Variants in SPATA16 observed in about 807,000 individuals in gnomAD.
SPATA16 encodes the protein spermatogenesis-associated protein 16.
Under a neutral mutation model 63.3 loss-of-function variants are expected in SPATA16, and 36 were observed. The ratio of observed to expected loss-of-function variants is 0.57; its 90% CI spans 0.44 to 0.75. The LOEUF is 0.75. Ranked by LOEUF, SPATA16 falls within the 30% of genes least tolerant of loss-of-function variation. SPATA16 has a pLI of 0.00. For missense variants in SPATA16, 646 were observed against 679.3 expected (o/e 0.95, Z 0.54); for synonymous variants, 203 against 216.7 (o/e 0.94, Z 0.56).
Position 173,117,668 on chromosome 3 carries a change from C to G in SPATA16, c.64G>C (p.Val22Leu). 6.2e-7 allele frequency: 1 copy of G among 1,614,116 alleles called. No individual in the cohort carries two copies. The highest frequency in any genetic ancestry group is 8.5e-7 in the Non-Finnish European group (1 of 1,180,004). The change falls in exon 2 of 11, where the codon GTT becomes CTT. Residue 22 changes from valine (V) to leucine (L), a missense_variant. Val to Leu is a conservative substitution (Grantham distance 32). Transcript: ENST00000351008. ...TTCTTGCTTGTGTTTATCTTTGGAA[C>G]AAGCTGATCATGATAGATCCTATTC... is the stretch of plus-strand genomic sequence containing the variant. Reference protein sequence around the residue: ...AVNRIYHDQLVPKINTSKKMS... With the variant: ...AVNRIYHDQLLPKINTSKKMS...
At chr3:173,097,260 C>G (rs1651494984) in intron 2 of SPATA16, among the ~76,000 whole-genome samples, 1 of 151,994 alleles carries the variant, frequency 6.6e-6, no homozygotes, top group Admixed American at 6.6e-5. Context: ...TTTAAGTAAC[C>G]CTTATTTTAC....
chr3:173,104,362 G>A (rs1164352591), intron 2 of SPATA16, among the ~76,000 whole-genome samples: 1 of 152,100 alleles, frequency 6.6e-6, no homozygotes, highest in African/African-American at 2.4e-5. Flanking sequence ...TTCTGTGTTA[G>A]GCCATTCTTG....
intron 10 of SPATA16, among the ~76,000 whole-genome samples, chr3:172,903,304 G>C (rs1462187150): frequency 6.6e-6 from 1 of 152,204 alleles, no homozygotes; most frequent in Admixed American, 6.5e-5. Context: ...CTGAAATTTG[G>C]AAAGATGCAT....
At chr3:172,936,036 C>T (rs1219023533) in intron 6 of SPATA16, among the ~76,000 whole-genome samples, 2 of 152,140 alleles carry the variant, frequency 1.3e-5, no homozygotes, top group Non-Finnish European at 2.9e-5. Context: ...CACAAAGATA[C>T]AATTTTCAAT....
At chr3:173,059,286 T>C (rs1736319271) in intron 2 of SPATA16, among the ~76,000 whole-genome samples, 1 of 151,722 alleles carries the variant, frequency 6.6e-6, no homozygotes, top group Admixed American at 6.6e-5. Context: ...TTTTTTTTTC[T>C]TTCCTCTTTT....
At chr3:172,930,450 C>CT (rs1226515166) in intron 6 of SPATA16, among the ~76,000 whole-genome samples, 1 of 152,064 alleles carries the variant, frequency 6.6e-6, no homozygotes, top group African/African-American at 2.4e-5. Flanking sequence ...CCCATTTTTC[C>CT]TTTATTCAGT....
intron 2 of SPATA16, 126 bp from the exon 3 acceptor site, chr3:173,049,220 A>G (rs1736024980): frequency 3.0e-6 from 3 of 1,005,172 alleles, no homozygotes; most frequent in African/African-American, 3.3e-5. Context: ...TGTTTTGCGT[A>G]TATGTTAAAA....
chr3:172,935,958 A>G (rs1292603157), intron 6 of SPATA16, among the ~76,000 whole-genome samples: 2 of 152,254 alleles, frequency 1.3e-5, no homozygotes, highest in Non-Finnish European at 2.9e-5. Context: ...CCTAGACTGC[A>G]CAGGATTCTC....
At chr3:173,069,000 C>T (rs1026642850) in intron 2 of SPATA16, among the ~76,000 whole-genome samples, 10 of 150,942 alleles carry the variant, frequency 6.6e-5, no homozygotes, top group African/African-American at 2.4e-4. Context: ...GTCCCAGCTA[C>T]TCGGGAGGCT....
intron 6 of SPATA16, among the ~76,000 whole-genome samples, chr3:172,933,383 G>GGTCCC (rs371592911): frequency 4.7e-4 from 71 of 152,122 alleles, no homozygotes; most frequent in African/African-American, 1.7e-3. Flanking sequence ...CATTTCCCTC[G>GGTCCC]GTCCCTGTTA....
At chr3:172,979,158 A>G (rs948423469) in intron 4 of SPATA16, among the ~76,000 whole-genome samples, 50 of 152,198 alleles carry the variant, frequency 3.3e-4, no homozygotes, top group African/African-American at 1.1e-3. Context: ...GATGCCGTGA[A>G]CCCAGGAGGC....
intron 6 of SPATA16, among the ~76,000 whole-genome samples, chr3:172,932,075 A>G (rs1188266931): frequency 6.6e-6 from 1 of 152,216 alleles, no homozygotes; most frequent in African/African-American, 2.4e-5. Context: ...TGTGAGGGAT[A>G]GCTGTATTTG....
At chr3:173,034,882 AT>A (rs1304517534) in intron 3 of SPATA16, among the ~76,000 whole-genome samples, 4 of 152,146 alleles carry the variant, frequency 2.6e-5, no homozygotes, top group Non-Finnish European at 1.5e-5. Flanking sequence ...AAATGAATGT[AT>A]TAATGGTTTT....
At chr3:172,998,722 T>C (rs968090281) in intron 4 of SPATA16, among the ~76,000 whole-genome samples, 2 of 152,184 alleles carry the variant, frequency 1.3e-5, no homozygotes, top group East Asian at 1.9e-4. Flanking sequence ...AGTTCCTTCT[T>C]ATTCCTAGTT....
At chr3:173,022,129 C>A (rs1735346693) in intron 3 of SPATA16, among the ~76,000 whole-genome samples, 1 of 151,800 alleles carries the variant, frequency 6.6e-6, no homozygotes, top group African/African-American at 2.4e-5. Context: ...GTAGTGAGGG[C>A]TGGTGAGGTT....
intron 1 of SPATA16, among the ~76,000 whole-genome samples, chr3:173,136,746 T>G (rs1262456185): frequency 6.6e-6 from 1 of 152,160 alleles, no homozygotes; most frequent in Non-Finnish European, 1.5e-5. Flanking sequence ...TAGGGTGACC[T>G]AATGACCAGA....
At chr3:172,998,887 AAT>A (rs1431023992) in intron 4 of SPATA16, among the ~76,000 whole-genome samples, 1 of 152,168 alleles carries the variant, frequency 6.6e-6, no homozygotes, top group Non-Finnish European at 1.5e-5. Flanking sequence ...CTATACCTGG[AAT>A]ACATTCCACT....
At chr3:172,926,200 T>A (rs371577895) in intron 6 of SPATA16, among the ~76,000 whole-genome samples, 130 of 152,050 alleles carry the variant, frequency 8.5e-4, no homozygotes, top group African/African-American at 3.1e-3. Flanking sequence ...AGGAAAAAAA[T>A]TACAAGTGAG....
chr3:172,901,696 C>T (rs1446174059), intron 10 of SPATA16, among the ~76,000 whole-genome samples: 1 of 152,134 alleles, frequency 6.6e-6, no homozygotes, highest in Non-Finnish European at 1.5e-5. Context: ...TCCCAATTCA[C>T]CCTCCATAAC....
Sources: gnomAD v4.1 joint callset for allele counts (sites outside exome capture counted in the v4.1 genomes callset) on GRCh38, gnomAD v4.1.1 for gene constraint, MANE v1.5 for transcripts, NCBI Gene and HGNC (gene_info 2026-07-23, HGNC 2026-07-21) for gene names.